Variants in WWOX observed in about 807,000 individuals in gnomAD.
WWOX encodes WW domain containing oxidoreductase, also known as WW domain-containing oxidoreductase.
WWOX carries 69 observed loss-of-function variants against 46.2 expected under a neutral mutation model. That is an observed-to-expected ratio of 1.49 (90% confidence interval 1.23 to 1.82). The LOEUF is 1.82. Ranked by LOEUF, WWOX falls within the 40% of genes most tolerant of loss-of-function variation. WWOX has a pLI of 0.00. For synonymous variants in WWOX, 359 were observed against 202.6 expected, an observed-to-expected ratio of 1.77 and a Z score of -6.56; for missense variants, 919 against 542.6, an observed-to-expected ratio of 1.69 and a Z score of -6.89.
intron 5 of WWOX, among the ~76,000 whole-genome samples, chr16:78,240,862 T>C (rs999495471): frequency 1.2e-4 from 18 of 152,194 alleles, no homozygotes; most frequent in African/African-American, 4.3e-4. Context: ...AATGGGTCTC[T>C]CTGGTCATTC....
intron 8 of WWOX, among the ~76,000 whole-genome samples, chr16:79,006,846 G>A (rs563888479): frequency 1.3e-5 from 2 of 152,196 alleles, no homozygotes; most frequent in Admixed American, 6.5e-5. Context: ...CATCCTTCTG[G>A]CTCTCTCTTC....
At chr16:78,235,300 G>A (rs2037397593) in intron 5 of WWOX, among the ~76,000 whole-genome samples, 1 of 152,136 alleles carries the variant, frequency 6.6e-6, no homozygotes, top group African/African-American at 2.4e-5. Flanking sequence ...TCTTCTTTTG[G>A]AGAGGATGTG....
chr16:78,601,622 TG>T (rs1818067113), intron 8 of WWOX, among the ~76,000 whole-genome samples: 1 of 152,220 alleles, frequency 6.6e-6, no homozygotes, highest in Non-Finnish European at 1.5e-5. Context: ...TACTTTCTAA[TG>T]TAAATCAAGA....
chr16:78,526,698 A>G (rs941924190), intron 8 of WWOX, among the ~76,000 whole-genome samples: 2 of 152,136 alleles, frequency 1.3e-5, no homozygotes, highest in South Asian at 4.1e-4. Context: ...TCAAGACTGC[A>G]GCCTTTGCTG....
chr16:78,193,461 C>T (rs2035944249), intron 5 of WWOX, among the ~76,000 whole-genome samples: 2 of 50,268 alleles, frequency 4.0e-5, no homozygotes, highest in Non-Finnish European at 8.3e-5. Flanking sequence ...ATTAACTAGT[C>T]TTATTTCTGA....
intron 8 of WWOX, among the ~76,000 whole-genome samples, chr16:78,716,273 A>C (rs1425798711): frequency 6.6e-6 from 1 of 152,082 alleles, no homozygotes; most frequent in Non-Finnish European, 1.5e-5. Flanking sequence ...GGACTGCCAG[A>C]AGCTCCTGAA....
chr16:78,320,638 C>T (rs535070483), intron 5 of WWOX, among the ~76,000 whole-genome samples: 1 of 152,266 alleles, frequency 6.6e-6, no homozygotes, highest in East Asian at 1.9e-4. Flanking sequence ...GCAGGCTGCA[C>T]CTAGGGGAAG....
intron 8 of WWOX, among the ~76,000 whole-genome samples, chr16:79,111,986 A>G (rs1446542695): frequency 3.9e-5 from 6 of 152,046 alleles, no homozygotes; most frequent in Non-Finnish European, 8.8e-5. Context: ...GTTAAGCACC[A>G]TCCCCAAACT....
At chr16:79,025,204 A>C (rs1037472070) in intron 8 of WWOX, among the ~76,000 whole-genome samples, 1 of 152,196 alleles carries the variant, frequency 6.6e-6, no homozygotes, top group African/African-American at 2.4e-5. Context: ...AGACAATGTC[A>C]CTGAGGCTGG....
At chr16:78,693,017 C>T (rs970698307) in intron 8 of WWOX, among the ~76,000 whole-genome samples, 1 of 152,142 alleles carries the variant, frequency 6.6e-6, no homozygotes, top group Non-Finnish European at 1.5e-5. Context: ...GTTTGAAAGC[C>T]CAACCATATG....
At chr16:78,634,998 C>G (rs995947802) in intron 8 of WWOX, among the ~76,000 whole-genome samples, 1 of 152,042 alleles carries the variant, frequency 6.6e-6, no homozygotes, top group Non-Finnish European at 1.5e-5. Flanking sequence ...CCAGCTTCAG[C>G]CCCATGCTTT....
chr16:78,703,257 C>T (rs2048263537), intron 8 of WWOX, among the ~76,000 whole-genome samples: 1 of 152,114 alleles, frequency 6.6e-6, no homozygotes, highest in Admixed American at 6.5e-5. Flanking sequence ...CCCCGGCAGC[C>T]CATCTACCTT....
At chr16:78,509,174 C>T (rs997091087) in intron 8 of WWOX, among the ~76,000 whole-genome samples, 1 of 152,208 alleles carries the variant, frequency 6.6e-6, no homozygotes, top group Non-Finnish European at 1.5e-5. Context: ...CATGGTGGTT[C>T]ACGCCTGTAA....
intron 8 of WWOX, among the ~76,000 whole-genome samples, chr16:78,673,206 C>A (rs979507138): frequency 6.6e-6 from 1 of 152,098 alleles, no homozygotes; most frequent in Non-Finnish European, 1.5e-5. Context: ...TAGAAGAGTA[C>A]AATAAAACAG....
At chr16:78,644,923 T>G (rs2548873) in intron 8 of WWOX, among the ~76,000 whole-genome samples, 69,268 of 151,992 alleles carry the variant, frequency 0.46, 18,424 homozygotes, top group Middle Eastern at 0.62. Context: ...CTAAGGAAAA[T>G]TGTATTTTTG....
intron 8 of WWOX, among the ~76,000 whole-genome samples, chr16:78,906,571 A>G (rs2044970692): frequency 6.6e-6 from 1 of 152,152 alleles, no homozygotes; most frequent in Non-Finnish European, 1.5e-5. Flanking sequence ...ATAAATATAC[A>G]TCTTTCAGGG....
chr16:79,062,248 A>G (rs143366321), intron 8 of WWOX, among the ~76,000 whole-genome samples: 4 of 152,332 alleles, frequency 2.6e-5, no homozygotes, highest in African/African-American at 9.6e-5. Context: ...ATAATGGGAC[A>G]TATCATTTTC....
rs564786937 is a variant in WWOX at position 79,001,363 on chromosome 16, G to A, written c.1057-210245G>A. Among the ~76,000 whole-genome samples the A allele has an allele frequency of 6.6e-5, 10 of 152,168 alleles. No individual in the cohort carries two copies. In the South Asian group the frequency reaches 1.9e-3, roughly 28 times the overall value. The stretch of plus-strand genomic sequence containing the variant: ...GATGCATATTTCTTTAAGGGATGCT[G>A]TTGAGTTTCTTCTGGTGGAGCGAAG... On this transcript the variant is annotated intron_variant, in intron 8 of 8. Transcript: ENST00000566780.
In WWOX at chr16:78,123,440, G is replaced by GTTTTGTTTTGTTTTTT. The variant is rs1567584444; in HGVS notation, c.409+8290_409+8291insGTTTTGTTTTTTTTTT. 4.8e-4 allele frequency: 24 copies of GTTTTGTTTTGTTTTTT among 50,480 alleles called. 1 individual carries two copies. Among genetic ancestry groups the GTTTTGTTTTGTTTTTT allele is most frequent in the Admixed American group, 2.7e-3 (11 of 4,138 alleles). The allele number at this position is 50,480 out of a possible 1,614,324, so 3.1% of individuals were successfully genotyped here. On this transcript the variant is annotated intron_variant, in intron 4 of 8. Coordinates refer to ENST00000566780, the MANE Select transcript of WWOX (RefSeq NM_016373.4). ...TGTTTTTTTCTTTGTTTTTTGTTTT[G>GTTTTGTTTTGTTTTTT]TTTTTTTTTTTTTTGTTTTTTTTTT... is the stretch of plus-strand genomic sequence containing the variant.
Sources: allele counts gnomAD v4.1 joint callset (sites outside exome capture counted in the v4.1 genomes callset), GRCh38; gene constraint gnomAD v4.1.1; transcripts MANE v1.5; gene names NCBI Gene and HGNC (gene_info 2026-07-23, HGNC 2026-07-21).